Variants in ABCC4 observed in about 807,000 individuals in gnomAD.
The protein encoded by ABCC4 is ATP-binding cassette sub-family C member 4.
A neutral mutation model predicts 168.5 loss-of-function variants in ABCC4; 102 were observed. The ratio of observed to expected loss-of-function variants is 0.61; its 90% CI spans 0.52 to 0.71. The LOEUF (loss-of-function observed/expected upper bound fraction) is 0.71. Among genes scored for constraint, ABCC4 ranks in the 30% least tolerant of loss-of-function variants. The pLI, the probability that ABCC4 is intolerant of heterozygous loss-of-function variation, is 0.00. For missense variants in ABCC4, 1,402 were observed against 1,605.8 expected (o/e 0.87, Z 2.17); for synonymous variants, 617 against 590.7 (o/e 1.04, Z -0.65).
At chr13:95,133,266 A>C (rs902124892) in intron 19 of ABCC4, among the ~76,000 whole-genome samples, 1 of 151,572 alleles carries the variant, frequency 6.6e-6, no homozygotes, top group African/African-American at 2.4e-5. Flanking sequence ...GGCGTGCACC[A>C]CCACACCTGG....
At chr13:95,041,712 C>T (rs1427672345) in intron 29 of ABCC4, among the ~76,000 whole-genome samples, 5 of 152,258 alleles carry the variant, frequency 3.3e-5, no homozygotes, top group South Asian at 2.1e-4. Context: ...CAAAACACCT[C>T]CAAAATCAAA....
intron 9 of ABCC4, among the ~76,000 whole-genome samples, chr13:95,189,469 A>C (rs1017345703): frequency 6.6e-6 from 1 of 152,062 alleles, no homozygotes; most frequent in Non-Finnish European, 1.5e-5. Context: ...CCATTTGTAA[A>C]TTTTCATTCT....
intron 21 of ABCC4, among the ~76,000 whole-genome samples, chr13:95,081,232 A>G (rs940156866): frequency 2.0e-5 from 3 of 152,176 alleles, no homozygotes; most frequent in Non-Finnish European, 2.9e-5. Flanking sequence ...AGAAAATCCT[A>G]CACTGCTTCC....
chr13:95,024,100 G>A (rs1166771877), intron 30 of ABCC4, among the ~76,000 whole-genome samples: 1 of 151,598 alleles, frequency 6.6e-6, no homozygotes, highest in African/African-American at 2.4e-5. Context: ...CCAGCTACTC[G>A]GGAGGCTGAG....
chr13:95,103,756 C>A (rs1009554024), intron 20 of ABCC4, among the ~76,000 whole-genome samples: 2 of 152,154 alleles, frequency 1.3e-5, no homozygotes, highest in African/African-American at 4.8e-5. Flanking sequence ...TCTCCATATC[C>A]TTCCACCCAA....
At chr13:95,056,186 G>A (rs180892004) in intron 26 of ABCC4, among the ~76,000 whole-genome samples, 74 of 152,174 alleles carry the variant, frequency 4.9e-4, no homozygotes, top group Non-Finnish European at 9.3e-4. Context: ...TCCCAAACCA[G>A]GAAACTTCGC....
chr13:95,164,467 CT>C lies in ABCC4; in HGVS notation c.2085del (p.Val696LeufsTer25). 5 of 1,614,140 alleles carry C rather than the reference CT, an allele frequency of 3.1e-6. No homozygotes were observed. The highest frequency in any genetic ancestry group is 4.2e-6 in the Non-Finnish European group (5 of 1,180,012). ...TAATTCTTATAGGCCTGAAAACCAACTTTTCCTTCAGAACGGTTCTCCTCTG... is the reference window on the plus strand; with the variant it reads ...TAATTCTTATAGGCCTGAAAACCAACTTTCCTTCAGAACGGTTCTCCTCTG... Reference protein sequence around the residue: ...TLSEENRSEGKVGFQAYKNYF... With the variant: ...TLSEENRSEGXVGFQAYKNYF... On this transcript the variant is annotated frameshift_variant, in exon 16 of 31. Transcript: ENST00000645237. LOFTEE classifies it high-confidence loss of function.
intron 17 of ABCC4, 61 bp downstream of exon 17, chr13:95,163,549 G>C: frequency 6.9e-7 from 1 of 1,448,994 alleles, no homozygotes; most frequent in South Asian, 1.2e-5. Flanking sequence ...TAACTCTATG[G>C]AAAAGCGAGT....
At chr13:95,074,179 T>A (rs1308469158) in intron 23 of ABCC4, 35 bp downstream of exon 23, 11 of 1,486,170 alleles carry the variant, frequency 7.4e-6, no homozygotes, top group East Asian at 6.8e-5. Flanking sequence ...TAAATTGTAA[T>A]CATACCATAC....
intron 21 of ABCC4, 101 bp from the exon 22 acceptor site, chr13:95,075,652 A>G: frequency 3.4e-6 from 5 of 1,490,008 alleles, no homozygotes; most frequent in Non-Finnish European, 1.8e-6. Context: ...CAGCACACGC[A>G]GGCCTCCTAG....
At chr13:95,117,598 CTTG>C (rs1287049465) in intron 19 of ABCC4, among the ~76,000 whole-genome samples, 1 of 152,070 alleles carries the variant, frequency 6.6e-6, no homozygotes. Flanking sequence ...TGTCGTCCTT[CTTG>C]TTATTTTTTC....
intron 30 of ABCC4, among the ~76,000 whole-genome samples, chr13:95,024,196 G>T: frequency 8.0e-6 from 1 of 124,360 alleles, no homozygotes; most frequent in African/African-American, 3.1e-5. Flanking sequence ...GACAGAGTGA[G>T]AGACTGTCTC....
At chr13:95,181,695 C>A (rs984418257) in intron 11 of ABCC4, among the ~76,000 whole-genome samples, 1 of 152,180 alleles carries the variant, frequency 6.6e-6, no homozygotes, top group Non-Finnish European at 1.5e-5. Flanking sequence ...CCACACTTCA[C>A]AGATGAGGAG....
chr13:95,265,791 G>C (rs1170043121), intron 1 of ABCC4, among the ~76,000 whole-genome samples: 1 of 152,146 alleles, frequency 6.6e-6, no homozygotes, highest in Non-Finnish European at 1.5e-5. Context: ...CTGAAGGAGA[G>C]GCAAGTGCAT....
intron 27 of ABCC4, among the ~76,000 whole-genome samples, chr13:95,046,000 A>C (rs1311918057): frequency 6.6e-6 from 1 of 152,196 alleles, no homozygotes; most frequent in African/African-American, 2.4e-5. Context: ...TAGGAAATTA[A>C]AATCCGAAGT....
intron 27 of ABCC4, among the ~76,000 whole-genome samples, chr13:95,049,051 G>A (rs1273526204): frequency 6.6e-6 from 1 of 152,098 alleles, no homozygotes; most frequent in East Asian, 1.9e-4. Flanking sequence ...CCCAAAAAAC[G>A]AGCAGGGTGT....
intron 4 of ABCC4, among the ~76,000 whole-genome samples, chr13:95,231,768 A>G (rs2039627346): frequency 1.3e-5 from 2 of 152,162 alleles, no homozygotes; most frequent in South Asian, 2.1e-4. Context: ...ACAAATTAAT[A>G]CCTTTGGGAG....
chr13:95,108,453 G>A (rs2035083021), intron 20 of ABCC4, among the ~76,000 whole-genome samples: 1 of 152,028 alleles, frequency 6.6e-6, no homozygotes, highest in Non-Finnish European at 1.5e-5. Context: ...ATGGGGTTGG[G>A]TTTTTCCCGT....
intron 19 of ABCC4, 45 bp from the exon 20 acceptor site, chr13:95,116,046 C>A (rs1268363584): frequency 1.4e-6 from 2 of 1,408,564 alleles, no homozygotes; most frequent in Admixed American, 1.9e-5. Context: ...CCCAGATAGA[C>A]CCTTTAAGAG....
Sources: allele counts gnomAD v4.1 joint callset (sites outside exome capture counted in the v4.1 genomes callset), GRCh38; gene constraint gnomAD v4.1.1; transcripts MANE v1.5; gene names NCBI Gene and HGNC (gene_info 2026-07-23, HGNC 2026-07-21).